PLCB1: variants seen among roughly 807,000 people sequenced by gnomAD.
PLCB1 encodes 1-phosphatidylinositol 4,5-bisphosphate phosphodiesterase beta-1.
PLCB1 carries 46 observed loss-of-function variants against 161.8 expected under a neutral mutation model. That is an observed-to-expected ratio of 0.28 (90% CI 0.22 to 0.36). PLCB1 has a LOEUF of 0.36. Among genes scored for constraint, PLCB1 ranks in the 10% least tolerant of loss-of-function variants. The pLI is 1.00. For synonymous variants in PLCB1, 517 were observed against 503.7 expected (o/e 1.03, Z -0.35); for missense variants, 1,016 against 1,472.5 (o/e 0.69, Z 5.07).
At chr20:8,586,396 C>T (rs1266492446) in intron 3 of PLCB1, among the ~76,000 whole-genome samples, 2 of 151,730 alleles carry the variant, frequency 1.3e-5, no homozygotes, top group East Asian at 1.9e-4. Context: ...TTCTGGATCA[C>T]GTCACCGACT....
chr20:8,781,531 C>T (rs191813110), intron 27 of PLCB1, among the ~76,000 whole-genome samples: 97 of 152,098 alleles, frequency 6.4e-4, no homozygotes, highest in African/African-American at 2.2e-3. Flanking sequence ...TGCTTTTTAA[C>T]GCTTTTTCAT....
At chr20:8,705,725 G>A (rs888654504) in intron 11 of PLCB1, among the ~76,000 whole-genome samples, 1 of 152,188 alleles carries the variant, frequency 6.6e-6, no homozygotes, top group Non-Finnish European at 1.5e-5. Context: ...AAGCATGCTT[G>A]ATGTATTCAA....
chr20:8,437,996 A>G (rs1338130223), intron 3 of PLCB1, among the ~76,000 whole-genome samples: 2 of 152,146 alleles, frequency 1.3e-5, no homozygotes, highest in East Asian at 3.8e-4. Flanking sequence ...AAAAAAGTCT[A>G]TTTTATGAAT....
In PLCB1 at chr20:8,740,836, A is replaced by G. The variant is rs547175689; in HGVS notation, c.2413+388A>G. On this transcript the variant is annotated intron_variant, in intron 22 of 31. Coordinates refer to ENST00000338037, the MANE Select transcript of PLCB1 (RefSeq NM_015192.4). ...GTGACATCCTAAATTTAAGGAATTA[A>G]CCAAGAATCATAAGTGTAAATGCTT... Among the ~76,000 whole-genome samples, 4 of 152,322 alleles carry G rather than the reference A, an allele frequency of 2.6e-5. No individual in the cohort carries two copies. In the East Asian group the frequency reaches 7.7e-4, roughly 29 times the overall value.
At position 8,883,723 on chromosome 20, in the gene PLCB1, A is replaced by G. The variant is rs1988076552; in HGVS notation, c.*1874A>G. 6.6e-6 allele frequency: 1 copy of G among 152,524 alleles called. No individual in the cohort carries two copies. Among genetic ancestry groups the G allele is most frequent in the Admixed American group, 6.6e-5 (1 of 15,254 alleles). The allele number at this position is 152,524 out of a possible 1,614,324, so 9.4% of individuals were successfully genotyped here. On this transcript the variant is annotated 3_prime_UTR_variant, in exon 32 of 32. Transcript: ENST00000338037. Reference sequence around the variant, plus strand: ...AAAAAAACACATCTAGTAAGACGTAAGGGGAAAATCACATCCTCTTTGGAG... The same window carrying G: ...AAAAAAACACATCTAGTAAGACGTAGGGGGAAAATCACATCCTCTTTGGAG...
intron 3 of PLCB1, among the ~76,000 whole-genome samples, chr20:8,507,522 G>A (rs990100338): frequency 2.0e-5 from 3 of 152,194 alleles, no homozygotes; most frequent in Non-Finnish European, 2.9e-5. Flanking sequence ...CTTTTAGGAC[G>A]GTGAACATTT....
chr20:8,806,657 A>G (rs898035897), intron 31 of PLCB1, among the ~76,000 whole-genome samples: 3 of 152,116 alleles, frequency 2.0e-5, no homozygotes, highest in African/African-American at 7.2e-5. Flanking sequence ...CTTCTGTACT[A>G]TACAAGAGAG....
intron 4 of PLCB1, among the ~76,000 whole-genome samples, chr20:8,640,155 A>G (rs1394649629): frequency 2.6e-5 from 4 of 152,242 alleles, no homozygotes; most frequent in Non-Finnish European, 5.9e-5. Context: ...AGAAAATTAT[A>G]TTTCAGCAGA....
intron 24 of PLCB1, among the ~76,000 whole-genome samples, chr20:8,758,998 C>G (rs1374354008): frequency 6.6e-6 from 1 of 152,162 alleles, no homozygotes; most frequent in East Asian, 1.9e-4. Flanking sequence ...ACAGTAATGT[C>G]CTTTTACTGT....
chr20:8,297,964 A>C (rs1983714557), intron 2 of PLCB1, among the ~76,000 whole-genome samples: 1 of 146,340 alleles, frequency 6.8e-6, no homozygotes, highest in Non-Finnish European at 1.5e-5. Flanking sequence ...TTGCCATTTT[A>C]AATCACAGTC....
chr20:8,637,033 A>C (rs978566757), intron 4 of PLCB1, among the ~76,000 whole-genome samples: 9 of 88,882 alleles, frequency 1.0e-4, no homozygotes, highest in East Asian at 4.6e-4. Context: ...GAGCACCACA[A>C]AAAAAAAAAA....
At chr20:8,470,181 T>C (rs961743287) in intron 3 of PLCB1, among the ~76,000 whole-genome samples, 7 of 152,210 alleles carry the variant, frequency 4.6e-5, no homozygotes, top group African/African-American at 1.7e-4. Flanking sequence ...CATCAGTTGA[T>C]GGACATTTCA....
At chr20:8,731,344 T>G (rs999769181) in intron 18 of PLCB1, among the ~76,000 whole-genome samples, 1 of 151,926 alleles carries the variant, frequency 6.6e-6, no homozygotes, top group African/African-American at 2.4e-5. Flanking sequence ...ATTGCTGTCT[T>G]CTAGCTATTT....
At chr20:8,227,994 TA>T (rs1979788251) in intron 2 of PLCB1, among the ~76,000 whole-genome samples, 1 of 152,100 alleles carries the variant, frequency 6.6e-6, no homozygotes, top group African/African-American at 2.4e-5. Flanking sequence ...CTATCCCTCA[TA>T]AAATCTAATG....
chr20:8,546,695 A>G (rs1334405238), intron 3 of PLCB1, among the ~76,000 whole-genome samples: 1 of 152,044 alleles, frequency 6.6e-6, no homozygotes, highest in Non-Finnish European at 1.5e-5. Context: ...TGATCAGTTG[A>G]TGATATTATA....
intron 3 of PLCB1, among the ~76,000 whole-genome samples, chr20:8,611,357 A>G (rs1192965620): frequency 3.3e-5 from 5 of 152,258 alleles, no homozygotes; most frequent in Non-Finnish European, 7.4e-5. Context: ...AAGTGTTGAA[A>G]AATTCTTAAG....
intron 2 of PLCB1, among the ~76,000 whole-genome samples, chr20:8,343,907 T>C (rs928532702): frequency 1.3e-5 from 2 of 152,222 alleles, no homozygotes; most frequent in African/African-American, 4.8e-5. Flanking sequence ...AAAGCCATCA[T>C]GCTTTGTAGG....
chr20:8,369,552 C>T (rs192872735), intron 2 of PLCB1, among the ~76,000 whole-genome samples: 59 of 152,128 alleles, frequency 3.9e-4, no homozygotes, highest in Admixed American at 7.2e-4. Flanking sequence ...ATGGTTGAGA[C>T]CATTGTTTTC....
chr20:8,609,713 A>C (rs1045104490), intron 3 of PLCB1, among the ~76,000 whole-genome samples: 1 of 152,088 alleles, frequency 6.6e-6, no homozygotes, highest in Non-Finnish European at 1.5e-5. Context: ...GTGCGATCAT[A>C]GTTCACTGAA....
Sources: allele counts gnomAD v4.1 joint callset (sites outside exome capture counted in the v4.1 genomes callset), GRCh38; gene constraint gnomAD v4.1.1; transcripts MANE v1.5; gene names NCBI Gene and HGNC (gene_info 2026-07-23, HGNC 2026-07-21).